Variants in FGF10 observed in about 807,000 individuals in gnomAD.
The protein encoded by FGF10 is FGF-10.
FGF10 carries 2 observed loss-of-function variants against 19.8 expected under a neutral mutation model. The ratio of observed to expected loss-of-function variants is 0.10; its 90% CI spans 0.04 to 0.32. The LOEUF is 0.32. Ranked by LOEUF, FGF10 falls within the 10% of genes least tolerant of loss-of-function variation. The probability of loss-of-function intolerance (pLI) is 1.00; values close to 1 mark genes in which losing one functional copy is unlikely to be tolerated. For synonymous variants in FGF10, 112 were observed against 94.0 expected, an observed-to-expected ratio of 1.19 and a Z score of -1.10; for missense variants, 191 against 246.3, an observed-to-expected ratio of 0.78 and a Z score of 1.50.
At chr5:44,352,361 C>CT (rs1227176886) in intron 1 of FGF10, among the ~76,000 whole-genome samples, 1 of 151,522 alleles carries the variant, frequency 6.6e-6, no homozygotes, top group East Asian at 2.0e-4. Context: ...TAAAAGGGGA[C>CT]ACCAATACAG....
chr5:44,380,632 A>G (rs988434959), intron 1 of FGF10, among the ~76,000 whole-genome samples: 22 of 152,312 alleles, frequency 1.4e-4, no homozygotes, highest in African/African-American at 4.3e-4. Flanking sequence ...AATATCAAAG[A>G]CCTCCAAATC....
chr5:44,352,872 C>T (rs1193342119), intron 1 of FGF10, among the ~76,000 whole-genome samples: 1 of 151,570 alleles, frequency 6.6e-6, no homozygotes, highest in Non-Finnish European at 1.5e-5. Context: ...TCAATAAATG[C>T]TAACAGAAGT....
intron 1 of FGF10, among the ~76,000 whole-genome samples, chr5:44,342,280 C>T (rs1186797331): frequency 6.6e-6 from 1 of 151,912 alleles, no homozygotes; most frequent in Admixed American, 6.6e-5. Context: ...AGAAGTCACA[C>T]TCCAGCATCT....
intron 1 of FGF10, among the ~76,000 whole-genome samples, chr5:44,330,790 C>G (rs1312968325): frequency 6.6e-6 from 1 of 152,132 alleles, no homozygotes; most frequent in Non-Finnish European, 1.5e-5. Flanking sequence ...AAAGCCTCAT[C>G]TGTCTCTTAG....
chr5:44,309,295 C>T (rs1288218692), intron 2 of FGF10, among the ~76,000 whole-genome samples: 1 of 152,040 alleles, frequency 6.6e-6, no homozygotes, highest in Admixed American at 6.6e-5. Flanking sequence ...AGTTAGCATC[C>T]CCTTGATCTG....
chr5:44,334,916 C>A (rs945140576), intron 1 of FGF10, among the ~76,000 whole-genome samples: 1 of 152,086 alleles, frequency 6.6e-6, no homozygotes, highest in South Asian at 2.1e-4. Context: ...ATCCCTGTAT[C>A]ACAGAAGAAC....
chr5:44,387,604 G>A (rs984022704), intron 1 of FGF10, among the ~76,000 whole-genome samples: 6 of 152,172 alleles, frequency 3.9e-5, no homozygotes, highest in African/African-American at 1.2e-4. Flanking sequence ...ACACCACAAA[G>A]CAGTGCATAC....
Position 44,302,769 on chromosome 5 carries a change from T to C in FGF10, c.*2226A>G. ...TATTTTGCTAGAAGCTGTTTTAGTG[T>C]CTTGAGTACTATAATGATGACTGTT... is the stretch of plus-strand genomic sequence containing the variant. On this transcript the variant is annotated 3_prime_UTR_variant, in exon 3 of 3. Coordinates refer to ENST00000264664, the MANE Select transcript of FGF10 (RefSeq NM_004465.2). 1.3e-5 allele frequency among the ~76,000 whole-genome samples: 2 copies of C among 149,298 alleles called. 1 individual carries two copies. Among genetic ancestry groups the C allele is most frequent in the Non-Finnish European group, 3.0e-5 (2 of 66,048 alleles).
At chr5:44,316,874 G>A (rs1388200631) in intron 1 of FGF10, among the ~76,000 whole-genome samples, 1 of 152,108 alleles carries the variant, frequency 6.6e-6, no homozygotes, top group African/African-American at 2.4e-5. Flanking sequence ...AAATGTTGGT[G>A]GAAACTTAAG....
At chr5:44,366,189 C>T (rs1018516357) in intron 1 of FGF10, among the ~76,000 whole-genome samples, 8 of 131,594 alleles carry the variant, frequency 6.1e-5, no homozygotes, top group African/African-American at 2.2e-4. Context: ...TAATGGAAAC[C>T]AATTAGAATA....
Position 44,303,813 on chromosome 5 carries a change from C to G in FGF10, c.*1182G>C, listed in dbSNP as rs1740014037. 6.6e-6 allele frequency: 1 copy of G among 152,126 alleles called. No homozygotes were observed. The highest frequency in any genetic ancestry group is 2.1e-4 in the South Asian group (1 of 4,826). 9.4% of individuals were successfully genotyped at this position (152,126 alleles called of 1,614,324 possible). ...GCCCCTGGGAGAGTTGCGCTTCATACCAAATTCTTTGATAGTTCCTTTGGG... is the reference window on the plus strand; with the variant it reads ...GCCCCTGGGAGAGTTGCGCTTCATAGCAAATTCTTTGATAGTTCCTTTGGG... On this transcript the variant is annotated 3_prime_UTR_variant, in exon 3 of 3. Coordinates refer to ENST00000264664, the MANE Select transcript of FGF10 (RefSeq NM_004465.2).
At chr5:44,337,477 T>C (rs2111778039) in intron 1 of FGF10, among the ~76,000 whole-genome samples, 1 of 152,314 alleles carries the variant, frequency 6.6e-6, no homozygotes, top group African/African-American at 2.4e-5. Context: ...AACCATACCA[T>C]CATTACCTTT....
intron 1 of FGF10, 141 bp from the exon 2 acceptor site, chr5:44,310,671 A>C: frequency 1.5e-6 from 1 of 655,920 alleles, no homozygotes; most frequent in Admixed American, 2.4e-5. Flanking sequence ...CAAACAAGCA[A>C]ACAAGCAAAT....
intron 1 of FGF10, among the ~76,000 whole-genome samples, chr5:44,364,024 A>G (rs1485873138): frequency 1.3e-5 from 2 of 151,792 alleles, no homozygotes; most frequent in South Asian, 2.1e-4. Context: ...GGACCACCAT[A>G]AAAAAAGAAA....
chr5:44,332,717 C>A (rs1195979593), intron 1 of FGF10, among the ~76,000 whole-genome samples: 2 of 152,092 alleles, frequency 1.3e-5, no homozygotes, highest in Non-Finnish European at 2.9e-5. Flanking sequence ...TAGGACCACA[C>A]TTTGAGTAGC....
At chr5:44,328,655 A>G (rs573158003) in intron 1 of FGF10, among the ~76,000 whole-genome samples, 1 of 152,298 alleles carries the variant, frequency 6.6e-6, no homozygotes, top group East Asian at 1.9e-4. Context: ...CCAGATGCTC[A>G]GAAGGCTGAG....
chr5:44,381,047 C>T (rs1376992813), intron 1 of FGF10, among the ~76,000 whole-genome samples: 2 of 151,790 alleles, frequency 1.3e-5, no homozygotes, highest in East Asian at 1.9e-4. Flanking sequence ...GTTATGTATG[C>T]AAATAATTTA....
In FGF10 at chr5:44,305,225, T is replaced by C. The variant is rs369657399; in HGVS notation, c.430-33A>G. On this transcript the variant is annotated intron_variant, in intron 2 of 2. Transcript: ENST00000264664. Reference sequence around the variant, plus strand: ...GGAAAAACAGAATCTTTTATTCCTATGGTGATTGTACTTGATTTCATTTGA... The same window carrying C: ...GGAAAAACAGAATCTTTTATTCCTACGGTGATTGTACTTGATTTCATTTGA... The C allele has an allele frequency of 1.9e-6, 3 of 1,589,156 alleles. No individual in the cohort carries two copies. The African/African-American group carries it at 4.0e-5, about 21-fold the overall frequency.
chr5:44,341,291 A>T (rs1437134083), intron 1 of FGF10, among the ~76,000 whole-genome samples: 1 of 151,972 alleles, frequency 6.6e-6, no homozygotes, highest in African/African-American at 2.4e-5. Context: ...GCTGCATTGG[A>T]TAAAAATTGG....
Sources: gnomAD v4.1 joint callset for allele counts (sites outside exome capture counted in the v4.1 genomes callset) on GRCh38, gnomAD v4.1.1 for gene constraint, MANE v1.5 for transcripts, NCBI Gene and HGNC (gene_info 2026-07-23, HGNC 2026-07-21) for gene names.